Variants in LYRM4 observed in about 807,000 individuals in gnomAD.
LYRM4 encodes LYR motif-containing protein 4.
A neutral mutation model predicts 11.7 loss-of-function variants in LYRM4; 9 were observed. That is an observed-to-expected ratio of 0.77 (90% CI 0.46 to 1.34). The LOEUF (loss-of-function observed/expected upper bound fraction) is 1.34, where lower values mean the gene tolerates loss of function less well. LYRM4 is among the 40% of genes most tolerant of loss of function. The pLI, the probability that LYRM4 is intolerant of heterozygous loss-of-function variation, is 0.00. For missense variants in LYRM4, 133 were observed against 112.5 expected (o/e 1.18, Z -0.82); for synonymous variants, 42 against 40.4 (o/e 1.04, Z -0.15).
chr6:5,058,634 C>G, the LYRM4 span, among the ~76,000 whole-genome samples: 1 of 152,212 alleles, frequency 6.6e-6, no homozygotes, highest in Non-Finnish European at 1.5e-5. Flanking sequence ...AACCTACCCC[C>G]TCCTCAGAGG....
chr6:5,121,330 T>C (rs892263910), intron 2 of LYRM4, among the ~76,000 whole-genome samples: 2 of 152,114 alleles, frequency 1.3e-5, no homozygotes, highest in Admixed American at 1.3e-4. Context: ...TATGTACACC[T>C]GTACTTTAGA....
chr6:5,179,599 A>G (rs563568472), intron 2 of LYRM4, among the ~76,000 whole-genome samples: 1 of 152,320 alleles, frequency 6.6e-6, no homozygotes, highest in South Asian at 2.1e-4. Context: ...ATGTATCAGA[A>G]TTTCCTTCCT....
chr6:5,125,324 A>G (rs1202702389), intron 2 of LYRM4, among the ~76,000 whole-genome samples: 1 of 152,070 alleles, frequency 6.6e-6, no homozygotes. Context: ...CCAATCAACT[A>G]GTCCTGGCCT....
chr6:5,055,258 G>T, the LYRM4 span, among the ~76,000 whole-genome samples: 1 of 152,158 alleles, frequency 6.6e-6, no homozygotes, highest in Non-Finnish European at 1.5e-5. The surrounding 1 kb of genome is among the most constrained non-coding windows in gnomAD (Gnocchi z 4.5). Context: ...TCCCTAGAAG[G>T]TATAAAACCA....
intron 2 of LYRM4, among the ~76,000 whole-genome samples, chr6:5,208,454 C>T (rs578238810): frequency 6.6e-6 from 1 of 152,294 alleles, no homozygotes; most frequent in East Asian, 1.9e-4. Flanking sequence ...AATAAAAATT[C>T]CCAAATGAAA....
At chr6:5,057,571 T>C in the LYRM4 span, among the ~76,000 whole-genome samples, 1 of 151,780 alleles carries the variant, frequency 6.6e-6, no homozygotes, top group Non-Finnish European at 1.5e-5. Context: ...TTCAAAAAAT[T>C]AGCCAGGTAT....
chr6:5,204,873 T>C (rs995938976), intron 2 of LYRM4, among the ~76,000 whole-genome samples: 2 of 152,232 alleles, frequency 1.3e-5, no homozygotes, highest in African/African-American at 2.4e-5. Flanking sequence ...CATCTCACTT[T>C]GTCTATTCGC....
At chr6:5,060,742 G>A in the LYRM4 span, among the ~76,000 whole-genome samples, 1 of 152,080 alleles carries the variant, frequency 6.6e-6, no homozygotes, top group South Asian at 2.1e-4. Flanking sequence ...TGCCCAGGCT[G>A]GTCTCGAACT....
chr6:5,254,514 A>C (rs1042688646), intron 1 of LYRM4, among the ~76,000 whole-genome samples: 78 of 152,202 alleles, frequency 5.1e-4, no homozygotes, highest in African/African-American at 1.8e-3. Flanking sequence ...CCAAAACCGC[A>C]ATTACTTTTG....
chr6:5,248,136 G>C (rs909039525), intron 1 of LYRM4, among the ~76,000 whole-genome samples: 3 of 152,134 alleles, frequency 2.0e-5, no homozygotes, highest in Non-Finnish European at 4.4e-5. Flanking sequence ...TGCTTCATTT[G>C]GAATAACTTT....
At chr6:5,194,239 A>G (rs1760925480) in intron 2 of LYRM4, among the ~76,000 whole-genome samples, 1 of 152,196 alleles carries the variant, frequency 6.6e-6, no homozygotes, top group Non-Finnish European at 1.5e-5. Flanking sequence ...AAGCTCCTGA[A>G]GGTTTGGCCA....
intron 2 of LYRM4, among the ~76,000 whole-genome samples, chr6:5,120,524 A>G (rs1478478695): frequency 6.6e-6 from 1 of 152,202 alleles, no homozygotes; most frequent in Non-Finnish European, 1.5e-5. Flanking sequence ...TGGAGAGCGA[A>G]GGAACAAAGT....
In LYRM4 at chr6:5,260,747, A is replaced by T. The variant is rs913212281; in HGVS notation, c.-14T>A. On this transcript the variant is annotated 5_prime_UTR_variant, in exon 1 of 3. Transcript: ENST00000330636. ...GGAGGCTGCCATTTTGGAAAGAAAA[A>T]AAAATAAACGGGTCCTCTTCGCCGA... is the stretch of plus-strand genomic sequence containing the variant. 2 of 1,544,300 alleles carry T rather than the reference A, an allele frequency of 1.3e-6. No homozygotes were observed. Among genetic ancestry groups the T allele is most frequent in the East Asian group, 4.9e-5 (2 of 41,180 alleles).
intron 2 of LYRM4, among the ~76,000 whole-genome samples, chr6:5,210,611 C>T (rs1291358799): frequency 1.3e-5 from 2 of 152,146 alleles, no homozygotes; most frequent in Admixed American, 6.5e-5. Flanking sequence ...TGTTGTGAAA[C>T]ATGACCAGAA....
the LYRM4 span, among the ~76,000 whole-genome samples, chr6:5,077,075 G>A: frequency 6.6e-6 from 1 of 152,314 alleles, no homozygotes; most frequent in South Asian, 2.1e-4. Context: ...AGGCCGGGGT[G>A]CTGCTCTTAA....
rs940061897 is a variant in LYRM4, at chr6:5,221,557, G to A, written c.87-4819C>T. ...AAAATACAAAAATTAGCTGGGTGCG[G>A]TGGCACATGTCTGTAATCCCAGCTA... On this transcript the variant is annotated intron_variant, in intron 1 of 2. Coordinates refer to ENST00000330636, the MANE Select transcript of LYRM4 (RefSeq NM_020408.6). Among the ~76,000 whole-genome samples, 46 of 152,188 alleles carry A rather than the reference G, an allele frequency of 3.0e-4. 1 individual carries two copies. Among genetic ancestry groups the A allele is most frequent in the African/African-American group, 8.2e-4 (34 of 41,448 alleles).
chr6:5,099,371 AT>A (rs1475900100), downstream of LYRM4, among the ~76,000 whole-genome samples: 48 of 144,820 alleles, frequency 3.3e-4, 2 homozygotes, highest in African/African-American at 1.2e-3. This position sits in a 1 kb window ranked among gnomAD's most constrained non-coding sequence, Gnocchi z 4.3. Flanking sequence ...CACTCGGCTA[AT>A]TAAAAAAAAA....
intron 2 of LYRM4, among the ~76,000 whole-genome samples, chr6:5,212,484 T>C (rs906677726): frequency 1.1e-4 from 16 of 152,230 alleles, no homozygotes; most frequent in African/African-American, 3.1e-4. Flanking sequence ...CCACCCAGGT[T>C]TGTCCATTCT....
At chr6:5,144,624 C>CAAAAAAAAAAAAA (rs71540849) in intron 2 of LYRM4, among the ~76,000 whole-genome samples, 12 of 37,600 alleles carry the variant, frequency 3.2e-4, no homozygotes, top group Admixed American at 4.8e-4. Flanking sequence ...GACTCCGTCT[C>CAAAAAAAAAAAAA]AAAAAAAAAA....
Sources: allele counts gnomAD v4.1 joint callset (sites outside exome capture counted in the v4.1 genomes callset), GRCh38; gene constraint gnomAD v4.1.1; non-coding constraint Gnocchi (gnomAD v3.1); transcripts MANE v1.5; gene names NCBI Gene and HGNC (gene_info 2026-07-23, HGNC 2026-07-21).